DPP10: variants seen among roughly 807,000 people sequenced by gnomAD.
DPP10 encodes dipeptidyl peptidase like 10.
Under a neutral mutation model 120.9 loss-of-function variants are expected in DPP10, and 33 were observed. The observed-to-expected ratio is 0.27, with a 90% CI of 0.21 to 0.37. DPP10 has a LOEUF of 0.37. DPP10 is among the 10% of genes least tolerant of loss of function. DPP10 has a pLI of 1.00. For missense variants in DPP10, 816 were observed against 942.8 expected, an observed-to-expected ratio of 0.87 and a Z score of 1.76; for synonymous variants, 337 against 326.1, an observed-to-expected ratio of 1.03 and a Z score of -0.36.
intron 1 of DPP10, among the ~76,000 whole-genome samples, chr2:114,445,428 C>T (rs183466988): frequency 1.3e-5 from 2 of 152,116 alleles, no homozygotes; most frequent in Admixed American, 1.3e-4. Flanking sequence ...CTTCTCTCAA[C>T]AGTTAAACTA....
intron 1 of DPP10, among the ~76,000 whole-genome samples, chr2:114,596,576 C>T (rs1450889013): frequency 2.0e-5 from 3 of 152,092 alleles, no homozygotes; most frequent in African/African-American, 4.8e-5. Flanking sequence ...TTCCATTTTT[C>T]GGTGTTCACT....
In DPP10 at chr2:115,420,106, G is replaced by C. The variant is rs148255524; in HGVS notation, c.271+76194G>C. Reference sequence around the variant, plus strand: ...CTTTGAAATTTTTATGAAATATTTCGGTCCAGAACTTGGTTAACCCAAATC... The same window carrying C: ...CTTTGAAATTTTTATGAAATATTTCCGTCCAGAACTTGGTTAACCCAAATC... On this transcript the variant is annotated intron_variant, in intron 3 of 25. Transcript: ENST00000410059. Among the ~76,000 whole-genome samples, 4 of 152,088 alleles carry C rather than the reference G, an allele frequency of 2.6e-5. No homozygotes were observed. The South Asian group carries it at 8.3e-4, about 32-fold the overall frequency.
chr2:115,179,150 G>C (rs906530845), intron 1 of DPP10, among the ~76,000 whole-genome samples: 1 of 152,048 alleles, frequency 6.6e-6, no homozygotes, highest in Non-Finnish European at 1.5e-5. Context: ...AAAGAAAAGG[G>C]CTATTATTGA....
chr2:115,168,674 A>G (rs1284713359), intron 1 of DPP10, among the ~76,000 whole-genome samples: 1 of 152,178 alleles, frequency 6.6e-6, no homozygotes, highest in Non-Finnish European at 1.5e-5. Flanking sequence ...CATTCTTATC[A>G]TTGACTACAT....
chr2:115,585,905 T>C (rs2082260133), intron 5 of DPP10, among the ~76,000 whole-genome samples: 1 of 152,256 alleles, frequency 6.6e-6, no homozygotes, highest in African/African-American at 2.4e-5. Flanking sequence ...CATAGCAATG[T>C]ATAAAGATAC....
chr2:115,704,834 T>C (rs2092036934), intron 7 of DPP10, among the ~76,000 whole-genome samples: 1 of 151,986 alleles, frequency 6.6e-6, no homozygotes, highest in African/African-American at 2.4e-5. Context: ...TATTCAAAGA[T>C]AAAAATTATC....
intron 1 of DPP10, among the ~76,000 whole-genome samples, chr2:115,262,896 GA>G (rs5833584): frequency 0.79 from 120,728 of 152,026 alleles, 48,172 homozygotes; most frequent in East Asian, 0.89. Flanking sequence ...TCTACAGAAG[GA>G]AAAAAACATA....
At chr2:115,382,041 C>G (rs557165061) in intron 3 of DPP10, among the ~76,000 whole-genome samples, 2 of 152,212 alleles carry the variant, frequency 1.3e-5, no homozygotes, top group African/African-American at 4.8e-5. Context: ...GTGGAGCCTA[C>G]AGAGGCAGGC....
At chr2:115,402,949 GTATA>G (rs59185016) in intron 3 of DPP10, among the ~76,000 whole-genome samples, 12 of 140,976 alleles carry the variant, frequency 8.5e-5, no homozygotes, top group African/African-American at 2.7e-4. Context: ...ATGTGTGTGT[GTATA>G]TATATATATA....
At chr2:115,744,697 T>C (rs1206146123) in intron 9 of DPP10, among the ~76,000 whole-genome samples, 1 of 150,438 alleles carries the variant, frequency 6.6e-6, no homozygotes, top group African/African-American at 2.4e-5. Flanking sequence ...ACAAAACATT[T>C]ATTGAGGAAC....
rs940970375 is a variant in DPP10 at position 114,663,264 on chromosome 2, A to G, written c.60+220426A>G. On this transcript the variant is annotated intron_variant, in intron 1 of 25. Coordinates refer to ENST00000410059, the MANE Select transcript of DPP10 (RefSeq NM_020868.6). ...TGTGTGTATATATATATATATCTAT[A>G]TATATATACACACACATATATGTAT... Among the ~76,000 whole-genome samples, 29 of 148,178 alleles carry G rather than the reference A, an allele frequency of 2.0e-4. 1 individual carries two copies. The highest frequency in any genetic ancestry group is 6.1e-4 in the African/African-American group (25 of 40,764).
intron 1 of DPP10, among the ~76,000 whole-genome samples, chr2:114,733,165 A>G (rs992165001): frequency 6.6e-6 from 1 of 152,184 alleles, no homozygotes; most frequent in Non-Finnish European, 1.5e-5. Flanking sequence ...TTGGCTCAAG[A>G]TCATTACTAA....
At chr2:115,133,164 T>TATAC (rs2050462849) in intron 1 of DPP10, among the ~76,000 whole-genome samples, 1 of 130,246 alleles carries the variant, frequency 7.7e-6, no homozygotes, top group South Asian at 2.5e-4. Context: ...TATATATATA[T>TATAC]ATATATATAT....
intron 1 of DPP10, among the ~76,000 whole-genome samples, chr2:114,931,842 A>G (rs1696092673): frequency 6.6e-6 from 1 of 152,198 alleles, no homozygotes; most frequent in Non-Finnish European, 1.5e-5. Flanking sequence ...GTCCAGTTAA[A>G]TTTAAAGTTC....
intron 19 of DPP10, among the ~76,000 whole-genome samples, chr2:115,811,213 A>G (rs1216358614): frequency 1.3e-5 from 2 of 152,196 alleles, no homozygotes; most frequent in African/African-American, 4.8e-5. Flanking sequence ...CACCAAAGAA[A>G]AAGAAACAAC....
chr2:115,015,200 T>C (rs868126784), intron 1 of DPP10, among the ~76,000 whole-genome samples: 3 of 152,234 alleles, frequency 2.0e-5, no homozygotes, highest in Middle Eastern at 3.4e-3. Flanking sequence ...ATTCAACATA[T>C]GCAAATCAGT....
chr2:115,137,918 C>CAGCT (rs2050732390), intron 1 of DPP10, among the ~76,000 whole-genome samples: 1 of 152,114 alleles, frequency 6.6e-6, no homozygotes, highest in Non-Finnish European at 1.5e-5. Flanking sequence ...TTGGCTAAGA[C>CAGCT]AGCTTTACAC....
At chr2:115,338,562 A>C (rs1717048) in intron 2 of DPP10, among the ~76,000 whole-genome samples, 147,110 of 152,238 alleles carry the variant, frequency 0.97, 71,116 homozygotes, top group East Asian at 1. Flanking sequence ...CTCAACTCAA[A>C]TGATCCTCCT....
At chr2:114,682,770 GTCTATCTATCTA>G (rs72471562) in intron 1 of DPP10, among the ~76,000 whole-genome samples, 3,635 of 149,580 alleles carry the variant, frequency 0.024, 60 homozygotes, top group African/African-American at 0.05. Context: ...CTATCTGTCT[GTCTATCTATCTA>G]TCTATCTATC....
Sources: allele counts gnomAD v4.1 joint callset (sites outside exome capture counted in the v4.1 genomes callset), GRCh38; gene constraint gnomAD v4.1.1; transcripts MANE v1.5; gene names NCBI Gene and HGNC (gene_info 2026-07-23, HGNC 2026-07-21).